The following CCDC191 variants were observed in gnomAD, a reference collection of about 807,000 sequenced individuals.
The protein encoded by CCDC191 is coiled-coil domain containing 191.
In CCDC191, 99 loss-of-function variants were observed where a neutral mutation model predicts 114.0. The observed-to-expected ratio is 0.87, with a 90% CI of 0.74 to 1.03. CCDC191 has a LOEUF of 1.03. Ranked by LOEUF, CCDC191 falls within the 50% of genes least tolerant of loss-of-function variation. The pLI is 0.00. For synonymous variants in CCDC191, 351 were observed against 376.0 expected (o/e 0.93, Z 0.77); for missense variants, 973 against 1,087.0 (o/e 0.90, Z 1.47).
chr3:114,014,568 C>CA (rs1434301665), intron 8 of CCDC191, among the ~76,000 whole-genome samples: 8 of 152,198 alleles, frequency 5.3e-5, no homozygotes, highest in Non-Finnish European at 8.8e-5. Flanking sequence ...CTGGCGGGTT[C>CA]ACCCTGACCT....
intron 7 of CCDC191, among the ~76,000 whole-genome samples, chr3:114,020,780 C>T (rs1481295828): frequency 3.9e-5 from 6 of 152,078 alleles, no homozygotes. Context: ...GTAGCTATCT[C>T]TAATTTTAAC....
At chr3:114,036,846 A>G (rs965854336) in intron 4 of CCDC191, 60 bp from the exon 5 acceptor site, 1 of 1,111,174 alleles carries the variant, frequency 9.0e-7, no homozygotes, top group African/African-American at 1.6e-5. Context: ...TTAGTATTAT[A>G]TTCATATTTA....
chr3:113,970,651 T>C (rs1367009875), intron 16 of CCDC191, among the ~76,000 whole-genome samples: 1 of 152,150 alleles, frequency 6.6e-6, no homozygotes, highest in African/African-American at 2.4e-5. Context: ...ATGTGTCATG[T>C]TGGTGTGCTG....
rs190336539 is a variant in CCDC191 at position 113,997,309 on chromosome 3, C to T, written c.2163+4286G>A. 8.7e-4 allele frequency among the ~76,000 whole-genome samples: 132 copies of T among 152,222 alleles called. 3 individuals are homozygous for T. The East Asian group carries it at 0.014, about 16-fold the overall frequency. On this transcript the variant is annotated intron_variant, in intron 13 of 16. Transcript: ENST00000295878. The stretch of plus-strand genomic sequence containing the variant: ...GAACTCATATTTAGGTAGAGTTTCA[C>T]ATACATATATGTACATATACACACA...
At chr3:114,033,347 A>G (rs764325791) in intron 6 of CCDC191, among the ~76,000 whole-genome samples, 12 of 152,190 alleles carry the variant, frequency 7.9e-5, no homozygotes, top group Non-Finnish European at 1.6e-4. Flanking sequence ...AATATTTACG[A>G]AAGTCTGTTA....
At chr3:113,991,043 C>T (rs1433462202) in intron 13 of CCDC191, among the ~76,000 whole-genome samples, 2 of 151,382 alleles carry the variant, frequency 1.3e-5, no homozygotes, top group East Asian at 3.9e-4. Flanking sequence ...CAAGGCCAAC[C>T]TGGCCAACAT....
chr3:114,027,241 C>T (rs1034371875), intron 7 of CCDC191, among the ~76,000 whole-genome samples: 3 of 152,144 alleles, frequency 2.0e-5, no homozygotes, highest in Admixed American at 2.0e-4. Context: ...GATAAGAGAG[C>T]CTGCACTGTT....
At chr3:114,010,107 C>T (rs535587216) in intron 9 of CCDC191, among the ~76,000 whole-genome samples, 8 of 151,224 alleles carry the variant, frequency 5.3e-5, no homozygotes, top group East Asian at 3.9e-4. Context: ...ATTGTGAAAA[C>T]GTAATTTTTT....
intron 9 of CCDC191, among the ~76,000 whole-genome samples, chr3:114,008,238 C>G (rs1398823098): frequency 6.7e-6 from 1 of 149,238 alleles, no homozygotes; most frequent in East Asian, 2.0e-4. Flanking sequence ...TTCCATACAG[C>G]TCTTTCTTAA....
intron 15 of CCDC191, 36 bp downstream of exon 15, chr3:113,978,822 G>T: frequency 1.3e-6 from 2 of 1,588,018 alleles, no homozygotes; most frequent in South Asian, 2.2e-5. Flanking sequence ...ATTGAGCAAT[G>T]AGATGTATTT....
chr3:114,010,193 C>T (rs576802053), intron 9 of CCDC191, among the ~76,000 whole-genome samples: 12 of 151,622 alleles, frequency 7.9e-5, no homozygotes, highest in African/African-American at 2.4e-4. Flanking sequence ...TTTTGGCAGA[C>T]GAGTTCCTCA....
chr3:114,007,535 G>T (rs559783417), intron 9 of CCDC191, among the ~76,000 whole-genome samples: 1 of 152,228 alleles, frequency 6.6e-6, no homozygotes, highest in African/African-American at 2.4e-5. Context: ...TATGTTTTAG[G>T]TTCTTTTAAA....
rs1209562169 is a variant in CCDC191 at position 113,964,345 on chromosome 3, G to T, written c.*810C>A. The T allele has an allele frequency of 6.6e-6, 1 of 152,288 alleles. No individual in the cohort carries two copies. The allele number at this position is 152,288 out of a possible 1,614,324, so 9.4% of individuals were successfully genotyped here. A position where few individuals can be genotyped will look rare whatever the true frequency, so the allele number is the denominator to read the frequency against. ...TCTCTAACACAATTCATAGAAGAGAGCATTTTATCAGTCTTTATAGCATCT... is the reference window on the plus strand; with the variant it reads ...TCTCTAACACAATTCATAGAAGAGATCATTTTATCAGTCTTTATAGCATCT... On this transcript the variant is annotated 3_prime_UTR_variant, in exon 17 of 17. Transcript: ENST00000295878.
intron 15 of CCDC191, chr3:113,978,653 G>A (rs373148129): frequency 2.4e-5 from 15 of 622,886 alleles, no homozygotes; most frequent in South Asian, 2.2e-4. Flanking sequence ...TACACACTCC[G>A]TGAAACAAAC....
At chr3:113,994,903 A>C (rs1240117177) in intron 13 of CCDC191, among the ~76,000 whole-genome samples, 1 of 152,152 alleles carries the variant, frequency 6.6e-6, no homozygotes, top group Non-Finnish European at 1.5e-5. Context: ...GTCCAAACAA[A>C]AACCTGTATG....
At chr3:114,056,535 G>C (rs759476252), upstream of CCDC191, 5 of 1,610,810 alleles carry the variant, frequency 3.1e-6, no homozygotes, top group Admixed American at 5.0e-5. Flanking sequence ...CTGCCTCCGG[G>C]TCACGCTGGG....
intron 16 of CCDC191, among the ~76,000 whole-genome samples, chr3:113,977,814 G>A (rs888690429): frequency 7.9e-5 from 12 of 152,188 alleles, no homozygotes; most frequent in East Asian, 1.9e-4. Flanking sequence ...TATATTTGTC[G>A]TACATTTCAC....
chr3:113,971,799 T>C (rs942068819), intron 16 of CCDC191, among the ~76,000 whole-genome samples: 19 of 152,098 alleles, frequency 1.2e-4, no homozygotes, highest in Non-Finnish European at 8.8e-5. Context: ...TTTGAAGCCA[T>C]TAGGACCTGG....
At chr3:113,974,654 C>T (rs1488478135) in intron 16 of CCDC191, among the ~76,000 whole-genome samples, 2 of 152,102 alleles carry the variant, frequency 1.3e-5, no homozygotes, top group East Asian at 3.8e-4. Context: ...TATGTCTATG[C>T]CTTTGCACTG....
Sources: allele counts gnomAD v4.1 joint callset (sites outside exome capture counted in the v4.1 genomes callset), GRCh38; gene constraint gnomAD v4.1.1; transcripts MANE v1.5; gene names NCBI Gene and HGNC (gene_info 2026-07-23, HGNC 2026-07-21).